Variants in RNF213 observed in about 807,000 individuals in gnomAD.
RNF213 encodes E3 ubiquitin-protein ligase RNF213.
In RNF213, 341 loss-of-function variants were observed where a neutral mutation model predicts 514.4. The ratio of observed to expected loss-of-function variants is 0.66; its 90% confidence interval spans 0.61 to 0.73. The LOEUF is 0.73. Among genes scored for constraint, RNF213 ranks in the 30% least tolerant of loss-of-function variants. RNF213 has a pLI of 0.00. For synonymous variants in RNF213, 2,655 were observed against 2,658.2 expected (o/e 1.00, Z 0.04); for missense variants, 5,767 against 6,615.6 (o/e 0.87, Z 4.45).
intron 17 of RNF213, among the ~76,000 whole-genome samples, chr17:80,322,353 G>C (rs528220666): frequency 1.3e-5 from 2 of 151,880 alleles, no homozygotes; most frequent in Admixed American, 1.3e-4. Flanking sequence ...CTGTGGGCCG[G>C]GCATGGTGGC....
chr17:80,290,354 T>C (rs768555073), intron 6 of RNF213, among the ~76,000 whole-genome samples: 1 of 151,570 alleles, frequency 6.6e-6, no homozygotes, highest in Non-Finnish European at 1.5e-5. Context: ...TGCGTGTGCA[T>C]GTATGTGTGC....
chr17:80,385,099 G>T lies in RNF213; in HGVS notation c.14383G>T (p.Val4795Leu), dbSNP rs1206997896. The T allele has an allele frequency of 3.1e-6, 5 of 1,614,074 alleles. No homozygotes were observed. Among genetic ancestry groups the T allele is most frequent in the Non-Finnish European group, 4.2e-6 (5 of 1,180,026 alleles). The part of the protein sequence containing the change: ...PEILALQRDL[V>L]KQFQNVQQVE... The stretch of plus-strand genomic sequence containing the variant: ...GATTTTGGCCTTGCAAAGGGATCTA[G>T]TGAAGCAGTTCCAGAACGTCCAGCA... Residue 4795 changes from valine (V) to leucine (L), a missense_variant, in exon 60 of 68, where the codon GTG becomes TTG. Physicochemically the swap from Val to Leu is conservative, Grantham distance 32. Coordinates refer to ENST00000582970, the MANE Select transcript of RNF213 (RefSeq NM_001256071.3).
In RNF213 at chr17:80,353,768, T is replaced by G; in HGVS notation, c.10578+102T>G. On this transcript the variant is annotated intron_variant, in intron 34 of 67. Coordinates refer to ENST00000582970, the MANE Select transcript of RNF213 (RefSeq NM_001256071.3). The surrounding 1 kb of genome is among the most constrained non-coding windows in gnomAD (Gnocchi z 5.0). ...TGGGAGCTAGAGGAGTCGCCGCCGC[T>G]GTGCAGGGGTGAGGATGGCGCCCCA... The G allele has an allele frequency of 6.7e-7, 1 of 1,492,432 alleles. No individual in the cohort carries two copies. Among genetic ancestry groups the G allele is most frequent in the South Asian group, 1.1e-5 (1 of 87,288 alleles). The allele number at this position is 1,492,432 out of a possible 1,614,324, so 92.4% of individuals were successfully genotyped here. A position where few individuals can be genotyped will look rare whatever the true frequency, so the allele number is the denominator to read the frequency against.
intron 36 of RNF213, among the ~76,000 whole-genome samples, chr17:80,357,548 T>C (rs2078878874): frequency 6.6e-6 from 1 of 152,240 alleles, no homozygotes; most frequent in Admixed American, 6.5e-5. Flanking sequence ...TCATCTGTAT[T>C]ATAGTCTATC....
chr17:80,263,593 G>C lies in RNF213; in HGVS notation c.-89G>C. On this transcript the variant is annotated 5_prime_UTR_variant, in exon 2 of 68. Transcript: ENST00000582970. This position sits in a 1 kb window ranked among gnomAD's most constrained non-coding sequence, Gnocchi z 4.9. The stretch of plus-strand genomic sequence containing the variant: ...TCGCAGAAAATGAAACTGAAGCCGT[G>C]GTCACGTGACAGGACATGTAGTATA... 1.9e-6 allele frequency: 2 copies of C among 1,041,492 alleles called. No individual in the cohort carries two copies. Among genetic ancestry groups the C allele is most frequent in the Non-Finnish European group, 3.0e-6 (2 of 658,380 alleles). 64.5% of individuals were successfully genotyped at this position (1,041,492 alleles called of 1,614,324 possible). A position where few individuals can be genotyped will look rare whatever the true frequency, so the allele number is the denominator to read the frequency against.
chr17:80,388,553 C>G (rs2080332704), intron 63 of RNF213, 59 bp from the exon 64 acceptor site: 2 of 1,150,148 alleles, frequency 1.7e-6, no homozygotes, highest in Non-Finnish European at 2.6e-6. Flanking sequence ...TGTTTGTCAT[C>G]TGCTGGAAAT....
At chr17:80,292,309 C>T (rs539327445) in intron 8 of RNF213, among the ~76,000 whole-genome samples, 1 of 152,298 alleles carries the variant, frequency 6.6e-6, no homozygotes, top group Admixed American at 6.5e-5. Flanking sequence ...CTCAGGTGAT[C>T]TGCCCTCCTC....
intron 17 of RNF213, chr17:80,321,128 T>G (rs1312858204): frequency 6.6e-6 from 1 of 152,264 alleles, no homozygotes; most frequent in Non-Finnish European, 1.5e-5. Flanking sequence ...ATTTACATAA[T>G]GAGATGTCTT....
At chr17:80,342,630 CTATA>C (rs2144095294) in intron 26 of RNF213, among the ~76,000 whole-genome samples, 1 of 145,242 alleles carries the variant, frequency 6.9e-6, no homozygotes, top group South Asian at 2.1e-4. Flanking sequence ...ATATAGATTT[CTATA>C]TATATTCTAT....
At chr17:80,336,598 G>T in intron 23 of RNF213, 3 of 608,786 alleles carry the variant, frequency 4.9e-6, no homozygotes, top group Non-Finnish European at 9.1e-6. Flanking sequence ...AATCTCTAAG[G>T]TGCAAAACAC....
Position 80,263,754 on chromosome 17 carries a change from C to T in RNF213, c.73C>T (p.Leu25=), listed in dbSNP as rs2043508116. The change falls in exon 2 of 68, where the codon CTG becomes TTG. Residue 25 remains leucine (L), a synonymous_variant. Coordinates refer to ENST00000582970, the MANE Select transcript of RNF213 (RefSeq NM_001256071.3). The surrounding 1 kb of genome is among the most constrained non-coding windows in gnomAD (Gnocchi z 4.9). ...GTTCTGCAGCCAGTGCGGAGAGAGG[C>T]TGCCTCCTGCAGCCCCCATAGCAGG... ...PKFCSQCGER[L]PPAAPIADSE... 2 of 1,614,008 alleles carry T rather than the reference C, an allele frequency of 1.2e-6. No homozygotes were observed. Among genetic ancestry groups the T allele is most frequent in the South Asian group, 2.2e-5 (2 of 91,086 alleles).
At position 80,333,266 on chromosome 17, in the gene RNF213, T is replaced by C. The variant is rs1401288745; in HGVS notation, c.4143+635T>C. On this transcript the variant is annotated intron_variant, in intron 21 of 67. Transcript: ENST00000582970. ...TAGCAGAGACAGGGTTTCACCGTGT[T>C]AGCCAGGATGGTCTCGATCTCCTGA... Among the ~76,000 whole-genome samples, 5 of 150,842 alleles carry C rather than the reference T, an allele frequency of 3.3e-5. No homozygotes were observed. In the East Asian group the frequency reaches 7.9e-4, roughly 24 times the overall value.
At chr17:80,360,408 G>A (rs118040689) in intron 38 of RNF213, 17,036 of 620,680 alleles carry the variant, frequency 0.027, 418 homozygotes, top group Non-Finnish European at 0.032. Context: ...AGGCCCCGGC[G>A]GGACCAGAAA....
intron 21 of RNF213, 122 bp from the exon 22 acceptor site, chr17:80,333,983 A>C: frequency 9.1e-7 from 1 of 1,103,030 alleles, no homozygotes; most frequent in South Asian, 1.4e-5. Context: ...CTGTTGTCAC[A>C]GCAGTGGCAA....
At chr17:80,298,267 G>A in intron 10 of RNF213, 54 bp from the exon 11 acceptor site, 1 of 1,588,896 alleles carries the variant, frequency 6.3e-7, no homozygotes, top group Non-Finnish European at 8.6e-7. Context: ...AGACTCCCAG[G>A]GAGATGACTC....
intron 15 of RNF213, among the ~76,000 whole-genome samples, chr17:80,314,321 G>A (rs1177039679): frequency 3.0e-4 from 13 of 43,460 alleles, no homozygotes; most frequent in East Asian, 2.6e-3. Flanking sequence ...TGGAGGTAAT[G>A]GAGGTGATGG....
intron 3 of RNF213, among the ~76,000 whole-genome samples, chr17:80,280,161 G>C (rs748139166): frequency 6.6e-6 from 1 of 152,238 alleles, no homozygotes; most frequent in Non-Finnish European, 1.5e-5. Context: ...GCGTCCACAC[G>C]GGGCTGGACT....
intron 2 of RNF213, among the ~76,000 whole-genome samples, chr17:80,271,022 C>T (rs2043802680): frequency 6.6e-6 from 1 of 152,076 alleles, no homozygotes; most frequent in Non-Finnish European, 1.5e-5. Flanking sequence ...TGCTGGTTGG[C>T]CCTTCCCTTA....
intron 46 of RNF213, among the ~76,000 whole-genome samples, chr17:80,371,094 C>T (rs1340956758): frequency 6.6e-6 from 1 of 151,924 alleles, no homozygotes; most frequent in Non-Finnish European, 1.5e-5. Context: ...TCCAAATGAC[C>T]AATGCCTGAT....
Sources: allele counts gnomAD v4.1 joint callset (sites outside exome capture counted in the v4.1 genomes callset), GRCh38; gene constraint gnomAD v4.1.1; non-coding constraint Gnocchi (gnomAD v3.1); transcripts MANE v1.5; gene names NCBI Gene and HGNC (gene_info 2026-07-23, HGNC 2026-07-21).